SLMAP: variants seen among roughly 807,000 people sequenced by gnomAD.
SLMAP encodes the protein sarcolemma associated protein.
Under a neutral mutation model 128.8 loss-of-function variants are expected in SLMAP, and 44 were observed. That is an observed-to-expected ratio of 0.34 (90% CI 0.27 to 0.44). SLMAP has a LOEUF of 0.44. Among genes scored for constraint, SLMAP ranks in the 20% least tolerant of loss-of-function variants. The pLI, the probability that SLMAP is intolerant of heterozygous loss-of-function variation, is 1.00. For missense variants in SLMAP, 787 were observed against 985.3 expected (o/e 0.80, Z 2.69); for synonymous variants, 327 against 348.8 (o/e 0.94, Z 0.70).
chr3:57,905,663 A>C (rs1439455550), intron 17 of SLMAP, among the ~76,000 whole-genome samples: 1 of 152,170 alleles, frequency 6.6e-6, no homozygotes, highest in Non-Finnish European at 1.5e-5. Context: ...ATTTATCTGC[A>C]ACGTATTTAT....
intron 2 of SLMAP, among the ~76,000 whole-genome samples, chr3:57,764,393 T>C (rs1236647552): frequency 6.6e-6 from 1 of 151,768 alleles, no homozygotes; most frequent in Non-Finnish European, 1.5e-5. Flanking sequence ...TCCCAGCTAC[T>C]TGTGAGGCTG....
chr3:57,864,325 C>T lies in SLMAP; in HGVS notation c.967-223C>T, dbSNP rs541571034. ...GGGAGGCTGAGGCAGGAGAATCACTCGAACCCGGGAGGCGGAGGTTGCCTA... is the reference window on the plus strand; with the variant it reads ...GGGAGGCTGAGGCAGGAGAATCACTTGAACCCGGGAGGCGGAGGTTGCCTA... On this transcript the variant is annotated intron_variant, in intron 10 of 24. Transcript: ENST00000671191. Among the ~76,000 whole-genome samples, 8 of 151,844 alleles carry T rather than the reference C, an allele frequency of 5.3e-5. No individual in the cohort carries two copies. In the East Asian group the frequency reaches 7.8e-4, roughly 15 times the overall value.
intron 2 of SLMAP, among the ~76,000 whole-genome samples, chr3:57,767,412 A>G (rs2079962261): frequency 6.6e-6 from 1 of 152,204 alleles, no homozygotes; most frequent in African/African-American, 2.4e-5. Context: ...AAGTCATTCA[A>G]GTTAGTTCTC....
chr3:57,906,682 T>A (rs200030662), intron 17 of SLMAP, among the ~76,000 whole-genome samples: 3,925 of 60,746 alleles, frequency 0.065, 94 homozygotes, highest in South Asian at 0.14. Context: ...AAAATATATA[T>A]ATATATATAT....
chr3:57,908,023 T>G lies in SLMAP; in HGVS notation c.1624+17T>G. 6.2e-7 allele frequency: 1 copy of G among 1,612,574 alleles called. No homozygotes were observed. Among genetic ancestry groups the G allele is most frequent in the Non-Finnish European group, 8.5e-7 (1 of 1,179,150 alleles). On this transcript the variant is annotated intron_variant, in intron 18 of 24. Transcript: ENST00000671191. Reference sequence around the variant, plus strand: ...AACTTCAAGGTGAGATCAAGATTACTTTGGTTCTTTAGGGATGTGTGGAGG... The same window carrying G: ...AACTTCAAGGTGAGATCAAGATTACGTTGGTTCTTTAGGGATGTGTGGAGG...
At chr3:57,857,521 T>G (rs1290033673) in intron 6 of SLMAP, among the ~76,000 whole-genome samples, 2 of 152,230 alleles carry the variant, frequency 1.3e-5, no homozygotes, top group Non-Finnish European at 2.9e-5. Flanking sequence ...CAAAATATCT[T>G]GTACTGCACT....
intron 17 of SLMAP, among the ~76,000 whole-genome samples, chr3:57,906,898 G>A (rs919163687): frequency 1.8e-4 from 28 of 151,812 alleles, no homozygotes; most frequent in African/African-American, 6.3e-4. Flanking sequence ...TTAAAAAGCA[G>A]AATGATTGGA....
At chr3:57,792,859 CG>C (rs1432364524) in intron 2 of SLMAP, among the ~76,000 whole-genome samples, 1 of 151,878 alleles carries the variant, frequency 6.6e-6, no homozygotes, top group Non-Finnish European at 1.5e-5. Context: ...TGGATTTGAC[CG>C]GGTGCGGTGA....
At chr3:57,794,064 CT>C (rs1314595596) in intron 2 of SLMAP, among the ~76,000 whole-genome samples, 1 of 151,984 alleles carries the variant, frequency 6.6e-6, no homozygotes, top group Non-Finnish European at 1.5e-5. Context: ...GAGAGAGACC[CT>C]TTCTTAAAAA....
At chr3:57,860,651 G>T in intron 8 of SLMAP, 48 bp from the exon 9 acceptor site, 1 of 1,382,590 alleles carries the variant, frequency 7.2e-7, no homozygotes, top group Non-Finnish European at 9.7e-7. Flanking sequence ...AACAATAAAT[G>T]CTTTTAAAAA....
chr3:57,872,193 G>A (rs1461422541), intron 14 of SLMAP, among the ~76,000 whole-genome samples: 1 of 152,160 alleles, frequency 6.6e-6, no homozygotes, highest in African/African-American at 2.4e-5. Flanking sequence ...TCGCAGCTAC[G>A]TGGGAGGCTG....
At chr3:57,916,140 G>A (rs2096805950) in intron 21 of SLMAP, among the ~76,000 whole-genome samples, 1 of 150,550 alleles carries the variant, frequency 6.6e-6, no homozygotes, top group Non-Finnish European at 1.5e-5. Flanking sequence ...TGGGCAACAA[G>A]AGCGAAACTC....
intron 10 of SLMAP, 77 bp downstream of exon 10, chr3:57,862,163 T>C: frequency 8.1e-7 from 1 of 1,230,056 alleles, no homozygotes; most frequent in South Asian, 1.4e-5. Flanking sequence ...TTTTAGGTAT[T>C]GCTTTAGCTG....
rs943724107 is a variant in SLMAP at position 57,809,194 on chromosome 3, C to T, written c.199-22189C>T. Among the ~76,000 whole-genome samples, 2 of 152,180 alleles carry T rather than the reference C, an allele frequency of 1.3e-5. 1 individual carries two copies. Among genetic ancestry groups the T allele is most frequent in the South Asian group, 4.1e-4 (2 of 4,834 alleles). On this transcript the variant is annotated intron_variant, in intron 2 of 24. Coordinates refer to ENST00000671191, the MANE Select transcript of SLMAP (RefSeq NM_001377540.1). ...CTCACACCCCCAGGTGCAGCTGCAG[C>T]CACACAAACTGTGGCTGTGGACCCA... is the stretch of plus-strand genomic sequence containing the variant.
intron 14 of SLMAP, among the ~76,000 whole-genome samples, chr3:57,878,801 C>T (rs1023535266): frequency 2.6e-5 from 4 of 152,018 alleles, no homozygotes; most frequent in Admixed American, 6.6e-5. Flanking sequence ...TTTTGATGTC[C>T]CAGTCATAGC....
At chr3:57,776,095 A>G (rs1438907301) in intron 2 of SLMAP, among the ~76,000 whole-genome samples, 1 of 152,182 alleles carries the variant, frequency 6.6e-6, no homozygotes, top group Non-Finnish European at 1.5e-5. Flanking sequence ...TTTTATGACT[A>G]TGTGCTACTT....
chr3:57,770,555 T>G (rs1174362044), intron 2 of SLMAP, among the ~76,000 whole-genome samples: 1 of 152,214 alleles, frequency 6.6e-6, no homozygotes, highest in Non-Finnish European at 1.5e-5. Flanking sequence ...TGAAGGCAGA[T>G]GCCTTAAGGG....
intron 2 of SLMAP, among the ~76,000 whole-genome samples, chr3:57,824,775 A>C (rs764535163): frequency 1.3e-5 from 2 of 152,118 alleles, no homozygotes; most frequent in Non-Finnish European, 2.9e-5. Flanking sequence ...GGACTTTTCC[A>C]TTTCTGCAGA....
intron 14 of SLMAP, among the ~76,000 whole-genome samples, chr3:57,884,103 A>G (rs764774093): frequency 6.6e-6 from 1 of 151,546 alleles, no homozygotes; most frequent in Admixed American, 6.6e-5. Context: ...TAATTTTTCT[A>G]TTTTTAGTAG....
Sources: allele counts gnomAD v4.1 joint callset (sites outside exome capture counted in the v4.1 genomes callset), GRCh38; gene constraint gnomAD v4.1.1; transcripts MANE v1.5; gene names NCBI Gene and HGNC (gene_info 2026-07-23, HGNC 2026-07-21).